AOX1: variants seen among roughly 807,000 people sequenced by gnomAD.
AOX1 encodes the protein aldehyde oxidase 1.
AOX1 carries 153 observed loss-of-function variants against 169.5 expected under a neutral mutation model. That is an observed-to-expected ratio of 0.90 (90% confidence interval 0.79 to 1.03). The LOEUF (loss-of-function observed/expected upper bound fraction) is 1.03, where lower values mean the gene tolerates loss of function less well. Among genes scored for constraint, AOX1 ranks in the 50% least tolerant of loss-of-function variants. AOX1 has a pLI of 0.00. For synonymous variants in AOX1, 562 were observed against 581.9 expected, an observed-to-expected ratio of 0.97 and a Z score of 0.49; for missense variants, 1,656 against 1,663.9, an observed-to-expected ratio of 1.00 and a Z score of 0.08.
rs1314089917 is a variant in AOX1 at position 200,605,627 on chromosome 2, T to A, written c.906T>A (p.Asn302Lys). 2.0e-6 allele frequency: 3 copies of A among 1,483,476 alleles called. No homozygotes were observed. Among genetic ancestry groups the A allele is most frequent in the Non-Finnish European group, 2.7e-6 (3 of 1,102,034 alleles). The allele number at this position is 1,483,476 out of a possible 1,614,324, so 91.9% of individuals were successfully genotyped here. A position where few individuals can be genotyped will look rare whatever the true frequency, so the allele number is the denominator to read the frequency against. ...EELSVVNHAY[N>K]GLTLGAGLSL... Reference sequence around the variant, plus strand: ...TGAGTGTTGTAAACCATGCATATAATGGTGAGTTCTCAAGTCCCTGTTTTC... The same window carrying A: ...TGAGTGTTGTAAACCATGCATATAAAGGTGAGTTCTCAAGTCCCTGTTTTC... The change falls in exon 10 of 35, where the codon AAT (asparagine) becomes AAA (lysine). Residue 302 changes from asparagine (N) to lysine (K), a missense_variant and splice_region_variant. Asn to Lys is a moderately conservative substitution (Grantham distance 94, BLOSUM62 0). Coordinates refer to ENST00000374700, the MANE Select transcript of AOX1 (RefSeq NM_001159.4).
chr2:200,647,241 G>C (rs774663715), intron 25 of AOX1, among the ~76,000 whole-genome samples: 8 of 152,168 alleles, frequency 5.3e-5, no homozygotes, highest in Non-Finnish European at 8.8e-5. Context: ...TTTGTTTCAA[G>C]ATTTAGAGCT....
chr2:200,630,624 C>T (rs892049569), intron 20 of AOX1, among the ~76,000 whole-genome samples: 2 of 151,146 alleles, frequency 1.3e-5, no homozygotes, highest in Admixed American at 1.3e-4. Flanking sequence ...AAAGGAAAGA[C>T]AAGGGAAGGG....
In AOX1 at chr2:200,605,566, AC is replaced by A; in HGVS notation, c.848del (p.Pro283GlnfsTer3). 1 of 1,559,366 alleles carries A rather than the reference AC, an allele frequency of 6.4e-7. No individual in the cohort carries two copies. The highest frequency in any genetic ancestry group is 1.8e-5 in the Admixed American group (1 of 54,258). ...GPEVKFKGVF[H>X]PVIISPDRIE... is the part of the protein sequence containing the mutation. ...GAAGTGAAATTTAAAGGCGTCTTTCACCCAGTTATAATTTCTCCTGATAGAA... is the reference window on the plus strand; with the variant it reads ...GAAGTGAAATTTAAAGGCGTCTTTCACCAGTTATAATTTCTCCTGATAGAA... On this transcript the variant is annotated frameshift_variant, in exon 10 of 35. Coordinates refer to ENST00000374700, the MANE Select transcript of AOX1 (RefSeq NM_001159.4). LOFTEE classifies it high-confidence loss of function.
chr2:200,654,652 T>G (rs1182233511), intron 26 of AOX1, among the ~76,000 whole-genome samples: 1 of 152,222 alleles, frequency 6.6e-6, no homozygotes, highest in Non-Finnish European at 1.5e-5. Flanking sequence ...GGAACTCAAA[T>G]GTCTGAATGG....
chr2:200,656,909 G>A lies in AOX1; in HGVS notation c.3143G>A (p.Gly1048Glu). ...GTCACTCACGGTGGAATTGAAATGG[G>A]GCAGGGGGTCCACACTAAAATGATT... ...VLVTHGGIEMGQGVHTKMIQV... is the reference protein window; with the variant it reads ...VLVTHGGIEMEQGVHTKMIQV... Residue 1048 changes from glycine to glutamate, a missense_variant, in exon 27 of 35, where the codon GGG (glycine) becomes GAG (glutamate). Physicochemically the swap from Gly to Glu is moderately conservative, Grantham distance 98. Coordinates refer to ENST00000374700, the MANE Select transcript of AOX1 (RefSeq NM_001159.4). 6.3e-7 allele frequency: 1 copy of A among 1,581,282 alleles called. No individual in the cohort carries two copies. Among genetic ancestry groups the A allele is most frequent in the Non-Finnish European group, 8.6e-7 (1 of 1,163,048 alleles).
At chr2:200,611,219 T>C (rs1251073194) in intron 12 of AOX1, among the ~76,000 whole-genome samples, 165 bp from the exon 13 acceptor site, 1 of 152,132 alleles carries the variant, frequency 6.6e-6, no homozygotes. Flanking sequence ...AGAAGAAACA[T>C]TGCAAGACGC....
At chr2:200,636,568 G>A (rs917019476) in intron 21 of AOX1, among the ~76,000 whole-genome samples, 19 of 152,154 alleles carry the variant, frequency 1.2e-4, no homozygotes, top group African/African-American at 4.3e-4. Flanking sequence ...CTTTAGGAGT[G>A]GTTCCTGGGG....
chr2:200,640,970 T>C, intron 23 of AOX1, 128 bp from the exon 24 acceptor site: 1 of 635,020 alleles, frequency 1.6e-6, no homozygotes. Flanking sequence ...AGTTATATAC[T>C]ATCCGAGAAA....
chr2:200,593,618 A>G (rs2034219401), intron 2 of AOX1, among the ~76,000 whole-genome samples: 1 of 152,210 alleles, frequency 6.6e-6, no homozygotes, highest in Non-Finnish European at 1.5e-5. Context: ...TATCCTAGAA[A>G]AACTTGCCAA....
At chr2:200,636,162 T>C (rs530749890) in intron 21 of AOX1, among the ~76,000 whole-genome samples, 1 of 126,968 alleles carries the variant, frequency 7.9e-6, no homozygotes, top group South Asian at 2.9e-4. Context: ...AGAGTCTCGC[T>C]TGGTCACCCA....
Position 200,669,655 on chromosome 2 carries a change from G to C in AOX1, c.3879G>C (p.Glu1293Asp). 6.2e-7 allele frequency: 1 copy of C among 1,614,044 alleles called. No homozygotes were observed. The highest frequency in any genetic ancestry group is 8.5e-7 in the Non-Finnish European group (1 of 1,180,006). ...IHDAVSAARQERGLHGPLTLN... is the reference protein window; with the variant it reads ...IHDAVSAARQDRGLHGPLTLN... ...ACGCAGTGAGTGCAGCACGACAGGA[G>C]AGAGGCCTGCATGGACCCTTGACCC... Residue 1293 changes from glutamate to aspartate, a missense_variant, in exon 34 of 35, where the codon GAG (glutamate) becomes GAC (aspartate). Physicochemically the swap from Glu to Asp is conservative, Grantham distance 45. Coordinates refer to ENST00000374700, the MANE Select transcript of AOX1 (RefSeq NM_001159.4).
At chr2:200,617,479 T>A (rs6760616) in intron 16 of AOX1, among the ~76,000 whole-genome samples, 46,595 of 108,060 alleles carry the variant, frequency 0.43, 8,295 homozygotes, top group East Asian at 0.51. Flanking sequence ...CACAACTAAC[T>A]GCAAAAAAAA....
In AOX1 at chr2:200,660,088, C is replaced by T. The variant is rs759672710; in HGVS notation, c.3375+19C>T. The T allele has an allele frequency of 6.3e-7, 1 of 1,598,788 alleles. No homozygotes were observed. Among genetic ancestry groups the T allele is most frequent in the Non-Finnish European group, 8.6e-7 (1 of 1,168,052 alleles). ...AGACTGGGTGAGAATCAATGGTTCTCTGTATTTTATTTTAGAAGAAAAAGG... is the reference window on the plus strand; with the variant it reads ...AGACTGGGTGAGAATCAATGGTTCTTTGTATTTTATTTTAGAAGAAAAAGG... On this transcript the variant is annotated intron_variant, in intron 29 of 34. Coordinates refer to ENST00000374700, the MANE Select transcript of AOX1 (RefSeq NM_001159.4).
Position 200,651,119 on chromosome 2 carries a change from C to T in AOX1, c.2993C>T (p.Ala998Val). 1 of 1,614,172 alleles carries T rather than the reference C, an allele frequency of 6.2e-7. No individual in the cohort carries two copies. The highest frequency in any genetic ancestry group is 1.1e-5 in the South Asian group (1 of 91,072). The change falls in exon 26 of 35, where the codon GCA (alanine) becomes GTA (valine). Residue 998 changes from alanine (A) to valine (V), a missense_variant. By Grantham distance (64) the Ala-to-Val change is moderately conservative. Coordinates refer to ENST00000374700, the MANE Select transcript of AOX1 (RefSeq NM_001159.4). ...AAAGTTGCTGTGGAAAAGTTCAATGCAGAGAATTATTGGAAGAAGAAAGGA... is the reference window on the plus strand; with the variant it reads ...AAAGTTGCTGTGGAAAAGTTCAATGTAGAGAATTATTGGAAGAAGAAAGGA... ...LRKVAVEKFN[A>V]ENYWKKKGLA...
At chr2:200,632,902 CT>C (rs1292199790) in intron 20 of AOX1, among the ~76,000 whole-genome samples, 133 of 140,002 alleles carry the variant, frequency 9.5e-4, no homozygotes, top group Middle Eastern at 7.2e-3. Flanking sequence ...TTCTTTCTTT[CT>C]TTTTTTTTTT....
rs2035249827 is a variant in AOX1, at chr2:200,637,043, A to G, written c.2479A>G (p.Lys827Glu). ...AGCCGTCACTGCATTTGCCGCAAAC[A>G]AGTAAGTGGAGAAAATCTGCTAAAA... ...IAAVTAFAAN[K>E]HGRAVRCVLE... The change falls in exon 22 of 35, where the codon AAA becomes GAA. Residue 827 changes from lysine to glutamate, a missense_variant and splice_region_variant. Coordinates refer to ENST00000374700, the MANE Select transcript of AOX1 (RefSeq NM_001159.4). 1 of 1,613,690 alleles carries G rather than the reference A, an allele frequency of 6.2e-7. No homozygotes were observed. The highest frequency in any genetic ancestry group is 1.3e-5 in the African/African-American group (1 of 74,918).
intron 20 of AOX1, among the ~76,000 whole-genome samples, chr2:200,632,232 A>G (rs114673912): frequency 4.0e-3 from 601 of 151,884 alleles, no homozygotes; most frequent in African/African-American, 0.014. Context: ...TGATTAATCT[A>G]TAGTATTTTT....
chr2:200,655,239 T>G (rs559726585), intron 26 of AOX1, among the ~76,000 whole-genome samples: 1 of 152,304 alleles, frequency 6.6e-6, no homozygotes, highest in East Asian at 1.9e-4. Context: ...ACGTGATCCT[T>G]CCTTTCAGGG....
At chr2:200,637,173 C>A (rs2105742521) in intron 22 of AOX1, 129 bp downstream of exon 22, 1 of 1,154,048 alleles carries the variant, frequency 8.7e-7, no homozygotes, top group Non-Finnish European at 1.2e-6. Context: ...CACAAACAAG[C>A]TGCCAGCTTA....
Sources: gnomAD v4.1 joint callset for allele counts (sites outside exome capture counted in the v4.1 genomes callset) on GRCh38, gnomAD v4.1.1 for gene constraint, MANE v1.5 for transcripts, NCBI Gene and HGNC (gene_info 2026-07-23, HGNC 2026-07-21) for gene names.